The following SLF2 variants were observed in gnomAD, a reference collection of about 807,000 sequenced individuals.
The protein encoded by SLF2 is SMC5/6 complex localization factor 2.
In SLF2, 68 loss-of-function variants were observed where a neutral mutation model predicts 124.3. The ratio of observed to expected loss-of-function variants is 0.55; its 90% CI spans 0.45 to 0.67. The LOEUF (loss-of-function observed/expected upper bound fraction) is 0.67, where lower values mean the gene tolerates loss of function less well. Ranked by LOEUF, SLF2 falls within the 30% of genes least tolerant of loss-of-function variation. SLF2 has a pLI of 0.00. For missense variants in SLF2, 1,246 were observed against 1,373.7 expected, an observed-to-expected ratio of 0.91 and a Z score of 1.47; for synonymous variants, 480 against 478.8, an observed-to-expected ratio of 1.00 and a Z score of -0.03.
In SLF2 at chr10:100,913,034, G is replaced by T. The variant is rs995698461; in HGVS notation, c.-77G>T. 4 of 1,529,172 alleles carry T rather than the reference G, an allele frequency of 2.6e-6. No homozygotes were observed. Among genetic ancestry groups the T allele is most frequent in the African/African-American group, 2.7e-5 (2 of 72,932 alleles). 94.7% of individuals were successfully genotyped at this position (1,529,172 alleles called of 1,614,324 possible). On this transcript the variant is annotated 5_prime_UTR_variant, in exon 1 of 20. Transcript: ENST00000238961. Reference sequence around the variant, plus strand: ...ACCTCTGCTCCGACAGCCTCCCGGAGTCCCAGCAGCAAGACGGCAACCACG... The same window carrying T: ...ACCTCTGCTCCGACAGCCTCCCGGATTCCCAGCAGCAAGACGGCAACCACG...
chr10:100,952,989 G>C (rs1432675955), intron 17 of SLF2, among the ~76,000 whole-genome samples: 1 of 152,116 alleles, frequency 6.6e-6, no homozygotes, highest in East Asian at 1.9e-4. Flanking sequence ...ATAGTCATCT[G>C]TAATGTTCTT....
chr10:100,951,364 A>G lies in SLF2; in HGVS notation c.3330+611A>G, dbSNP rs535258739. On this transcript the variant is annotated intron_variant, in intron 17 of 19. Transcript: ENST00000238961. Reference sequence around the variant, plus strand: ...AAGATACCAACATCACCAAATACCAAATGGGCTGGTGTTGTGCTGGACCCA... The same window carrying G: ...AAGATACCAACATCACCAAATACCAGATGGGCTGGTGTTGTGCTGGACCCA... Among the ~76,000 whole-genome samples the G allele has an allele frequency of 7.0e-4, 106 of 152,320 alleles. 2 individuals are homozygous for G. In the South Asian group the frequency reaches 0.02, roughly 29 times the overall value.
chr10:100,950,093 C>T lies in SLF2; in HGVS notation c.3138C>T (p.Arg1046=), dbSNP rs746397071. The change falls in exon 16 of 20, where the codon CGC becomes CGT. Residue 1046 remains arginine, a synonymous_variant. Transcript: ENST00000238961. ...TTTGATAGGTATCAGTCCTACATCGCTATCTTGTGCAGATGAAGCCTTCTG... is the reference window on the plus strand; with the variant it reads ...TTTGATAGGTATCAGTCCTACATCGTTATCTTGTGCAGATGAAGCCTTCTG... ...ASNLQVSVLH[R]YLVQMKPSDL... The T allele has an allele frequency of 6.2e-7, 1 of 1,612,358 alleles. No homozygotes were observed. Among genetic ancestry groups the T allele is most frequent in the Non-Finnish European group, 8.5e-7 (1 of 1,179,156 alleles).
chr10:100,957,922 G>A (rs1031644265), intron 18 of SLF2, among the ~76,000 whole-genome samples: 1 of 152,084 alleles, frequency 6.6e-6, no homozygotes, highest in Non-Finnish European at 1.5e-5. Flanking sequence ...GGTGGTGCGT[G>A]CCTGTAGTCT....
intron 19 of SLF2, 143 bp downstream of exon 19, chr10:100,959,639 T>C (rs1850393243): frequency 1.5e-6 from 2 of 1,316,098 alleles, no homozygotes; most frequent in African/African-American, 1.5e-5. Flanking sequence ...GTATAATACA[T>C]GGTTTGTAAT....
At chr10:100,954,721 T>C (rs1455546038) in intron 17 of SLF2, among the ~76,000 whole-genome samples, 1 of 152,044 alleles carries the variant, frequency 6.6e-6, no homozygotes, top group East Asian at 1.9e-4. Context: ...GACAGGAGGA[T>C]TGCTTGAGCC....
At chr10:100,919,141 A>G (rs1223476270) in intron 4 of SLF2, among the ~76,000 whole-genome samples, 2 of 150,136 alleles carry the variant, frequency 1.3e-5, no homozygotes, top group Non-Finnish European at 3.0e-5. Context: ...CCTCCCAAAT[A>G]TCTGGGACTA....
chr10:100,944,355 C>CGT (rs1850052943), intron 12 of SLF2, among the ~76,000 whole-genome samples: 8 of 152,010 alleles, frequency 5.3e-5, no homozygotes, highest in African/African-American at 1.9e-4. Context: ...ATTAGCCAGG[C>CGT]ATGGCAGCGG....
At chr10:100,952,094 GTTAGC>G (rs1850226958) in intron 17 of SLF2, among the ~76,000 whole-genome samples, 2 of 149,472 alleles carry the variant, frequency 1.3e-5, no homozygotes, top group Non-Finnish European at 3.0e-5. Context: ...AATACAAAAA[GTTAGC>G]CGGGCGTGTT....
intron 11 of SLF2, among the ~76,000 whole-genome samples, chr10:100,941,725 T>G (rs1849985969): frequency 6.6e-6 from 1 of 152,192 alleles, no homozygotes; most frequent in South Asian, 2.1e-4. Context: ...CCTTATATAG[T>G]GTTTGCTGTG....
chr10:100,918,542 G>C, intron 4 of SLF2, 101 bp downstream of exon 4: 1 of 721,258 alleles, frequency 1.4e-6, no homozygotes, highest in Non-Finnish European at 2.3e-6. Context: ...CCCTTCTTGG[G>C]GATGAATTAA....
At chr10:100,935,488 G>A (rs945352990) in intron 9 of SLF2, among the ~76,000 whole-genome samples, 4 of 151,846 alleles carry the variant, frequency 2.6e-5, no homozygotes, top group Non-Finnish European at 5.9e-5. Flanking sequence ...ATCACTTCAG[G>A]CCAGAAGTTC....
chr10:100,926,198 A>C (rs1417505579), intron 6 of SLF2, 179 bp downstream of exon 6: 1 of 1,547,582 alleles, frequency 6.5e-7, no homozygotes, highest in Non-Finnish European at 8.7e-7. Flanking sequence ...TGTAATCACA[A>C]CACTTTGGGA....
rs114300819 is a variant in SLF2, at chr10:100,916,834, A to G, written c.449A>G (p.Tyr150Cys). 2,034 of 1,614,196 alleles carry G rather than the reference A, an allele frequency of 1.3e-3. 21 individuals are homozygous for G. The African/African-American group carries it at 0.024, about 19-fold the overall frequency. Residue 150 changes from tyrosine (Y) to cysteine (C), a missense_variant, in exon 3 of 20, where the codon TAT becomes TGT. Transcript: ENST00000238961. ...SKYLAKGTNI[Y>C]VPSSYHLPKE... ...TATTTAGCCAAAGGAACAAATATCT[A>G]TGTTCCTTCTTCATATCACTTGCCA...
chr10:100,924,990 G>A lies in SLF2; in HGVS notation c.1971+18G>A, dbSNP rs376474005. On this transcript the variant is annotated intron_variant, in intron 5 of 19. Transcript: ENST00000238961. ...ACTATACAGTAAGTAGTTCTGTGAC[G>A]TTTATCTTTACTTGAAGAGGGAAAG... The A allele has an allele frequency of 3.0e-5, 48 of 1,576,240 alleles. No individual in the cohort carries two copies. The highest frequency in any genetic ancestry group is 1.8e-4 in the African/African-American group (13 of 73,344).
intron 5 of SLF2, 126 bp from the exon 6 acceptor site, chr10:100,925,823 G>A: frequency 1.1e-6 from 1 of 911,100 alleles, no homozygotes; most frequent in African/African-American, 1.7e-5. Flanking sequence ...TATCCTTTAA[G>A]AAAGGTGTTA....
chr10:100,960,369 A>G (rs1268183544), intron 19 of SLF2, among the ~76,000 whole-genome samples: 1 of 152,250 alleles, frequency 6.6e-6, no homozygotes, highest in Non-Finnish European at 1.5e-5. Context: ...AAGTGACTGC[A>G]TCATTTTATA....
chr10:100,935,910 G>A (rs1237762283), intron 9 of SLF2, among the ~76,000 whole-genome samples: 1 of 138,876 alleles, frequency 7.2e-6, no homozygotes, highest in African/African-American at 2.7e-5. Flanking sequence ...CCAGGCTGGA[G>A]TGCAGTGGTG....
chr10:100,948,754 C>T (rs1194215104), intron 15 of SLF2, among the ~76,000 whole-genome samples: 2 of 152,006 alleles, frequency 1.3e-5, no homozygotes, highest in Non-Finnish European at 2.9e-5. Flanking sequence ...GGCATGGTGG[C>T]GGACACGTGT....
Sources: allele counts gnomAD v4.1 joint callset (sites outside exome capture counted in the v4.1 genomes callset), GRCh38; gene constraint gnomAD v4.1.1; transcripts MANE v1.5; gene names NCBI Gene and HGNC (gene_info 2026-07-23, HGNC 2026-07-21).